Variants in NEK11 observed in about 807,000 individuals in gnomAD.
NEK11 encodes serine/threonine-protein kinase Nek11.
In NEK11, 72 loss-of-function variants were observed where a neutral mutation model predicts 80.7. That is an observed-to-expected ratio of 0.89 (90% CI 0.74 to 1.08). The LOEUF (loss-of-function observed/expected upper bound fraction) is 1.08. NEK11 is among the 50% of genes least tolerant of loss of function. The pLI, the probability that NEK11 is intolerant of heterozygous loss-of-function variation, is 0.00. For missense variants in NEK11, 764 were observed against 763.6 expected, an observed-to-expected ratio of 1.00 and a Z score of -0.01; for synonymous variants, 251 against 260.7, an observed-to-expected ratio of 0.96 and a Z score of 0.36.
At chr3:131,100,154 G>T (rs2078149328) in intron 4 of NEK11, among the ~76,000 whole-genome samples, 1 of 152,136 alleles carries the variant, frequency 6.6e-6, no homozygotes, top group South Asian at 2.1e-4. Flanking sequence ...TCTGTTGAGG[G>T]TTTTTATCAT....
chr3:131,156,374 G>A (rs554934451), intron 10 of NEK11, among the ~76,000 whole-genome samples: 2 of 152,342 alleles, frequency 1.3e-5, no homozygotes, highest in East Asian at 3.9e-4. Context: ...AGAGTTGGGT[G>A]TGAAAGGTCT....
intron 3 of NEK11, among the ~76,000 whole-genome samples, chr3:131,047,181 T>C (rs989515517): frequency 4.6e-5 from 7 of 152,158 alleles, no homozygotes; most frequent in Non-Finnish European, 7.3e-5. Flanking sequence ...TCTTTTCATA[T>C]CTTGTATCAT....
At chr3:131,199,539 G>GT (rs1471193688) in intron 14 of NEK11, among the ~76,000 whole-genome samples, 3 of 150,744 alleles carry the variant, frequency 2.0e-5, no homozygotes, top group South Asian at 2.1e-4. Context: ...TTATTCAACA[G>GT]TTTTTTAAAA....
intron 4 of NEK11, among the ~76,000 whole-genome samples, chr3:131,087,007 T>A (rs1193855990): frequency 6.6e-6 from 1 of 152,182 alleles, no homozygotes; most frequent in Non-Finnish European, 1.5e-5. Flanking sequence ...TATTTTGTTT[T>A]TATAGGGATT....
intron 17 of NEK11, among the ~76,000 whole-genome samples, chr3:131,291,558 C>T (rs1044295165): frequency 2.0e-5 from 3 of 152,164 alleles, no homozygotes; most frequent in Admixed American, 1.3e-4. Context: ...AACCATTTTG[C>T]ATTCCCTCCA....
At chr3:131,171,048 A>C (rs1048007976) in intron 14 of NEK11, 161 bp downstream of exon 14, 2 of 653,768 alleles carry the variant, frequency 3.1e-6, no homozygotes, top group African/African-American at 3.6e-5. Flanking sequence ...TGAAAAGTAG[A>C]GAAGCCAAGG....
At chr3:131,203,769 A>ATG (rs2094348754) in intron 14 of NEK11, among the ~76,000 whole-genome samples, 1 of 2,380 alleles carries the variant, frequency 4.2e-4, no homozygotes, top group Non-Finnish European at 1.2e-3. Context: ...GTGTGTGTGT[A>ATG]TATATATATA....
At chr3:131,224,015 T>G (rs2095113075) in intron 14 of NEK11, among the ~76,000 whole-genome samples, 1 of 152,354 alleles carries the variant, frequency 6.6e-6, no homozygotes, top group South Asian at 2.1e-4. Flanking sequence ...ACAGACTGCA[T>G]GTACAATGGT....
intron 17 of NEK11, among the ~76,000 whole-genome samples, chr3:131,307,672 G>A (rs971578316): frequency 2.1e-4 from 32 of 152,288 alleles, no homozygotes; most frequent in African/African-American, 7.7e-4. Flanking sequence ...GGGAAAACAT[G>A]ATACAATTCC....
At chr3:131,213,623 T>A (rs1423656268) in intron 14 of NEK11, among the ~76,000 whole-genome samples, 2 of 152,170 alleles carry the variant, frequency 1.3e-5, no homozygotes, top group Non-Finnish European at 2.9e-5. Flanking sequence ...GGCAAATATT[T>A]GGTGGCCAGG....
chr3:131,198,053 A>G (rs1398289934), intron 14 of NEK11, among the ~76,000 whole-genome samples: 2 of 152,170 alleles, frequency 1.3e-5, no homozygotes, highest in African/African-American at 4.8e-5. Context: ...CTGCATGGGC[A>G]TGGAGGACTA....
At chr3:131,115,954 CTT>C (rs374286113) in intron 5 of NEK11, among the ~76,000 whole-genome samples, 3 of 139,364 alleles carry the variant, frequency 2.2e-5, no homozygotes, top group Non-Finnish European at 3.1e-5. Context: ...TTCTTTCTTT[CTT>C]TCTTTCTTTC....
intron 5 of NEK11, among the ~76,000 whole-genome samples, chr3:131,119,473 A>G (rs2081980610): frequency 6.6e-6 from 1 of 152,152 alleles, no homozygotes; most frequent in Admixed American, 6.5e-5. Context: ...AGTTCTGTAG[A>G]TGTCTATTAG....
At chr3:131,041,551 C>T (rs1280328471) in intron 3 of NEK11, among the ~76,000 whole-genome samples, 1 of 151,700 alleles carries the variant, frequency 6.6e-6, no homozygotes, top group African/African-American at 2.4e-5. Context: ...TATATACTCA[C>T]GTATATATAT....
At chr3:131,075,862 C>G (rs746899039) in intron 3 of NEK11, among the ~76,000 whole-genome samples, 5 of 152,172 alleles carry the variant, frequency 3.3e-5, no homozygotes, top group African/African-American at 9.7e-5. Flanking sequence ...GGATTTGTTA[C>G]AGAACACAGA....
chr3:131,248,306 G>T (rs560045134), intron 16 of NEK11, among the ~76,000 whole-genome samples: 12 of 152,012 alleles, frequency 7.9e-5, no homozygotes, highest in Non-Finnish European at 1.3e-4. Context: ...ATGATAGAAT[G>T]CTGACTTTTT....
chr3:131,102,630 G>A (rs1180196343), intron 4 of NEK11, among the ~76,000 whole-genome samples: 1 of 152,134 alleles, frequency 6.6e-6, no homozygotes, highest in Non-Finnish European at 1.5e-5. Context: ...TGACCTTGGT[G>A]AATCTGATGA....
chr3:131,300,660 G>T (rs1167174868), intron 17 of NEK11, among the ~76,000 whole-genome samples: 1 of 152,092 alleles, frequency 6.6e-6, no homozygotes, highest in Non-Finnish European at 1.5e-5. Context: ...GCTTGTTTTT[G>T]TCAACTTTGT....
chr3:131,342,090 A>C (rs1481512374), intron 17 of NEK11, among the ~76,000 whole-genome samples: 1 of 152,194 alleles, frequency 6.6e-6, no homozygotes, highest in Non-Finnish European at 1.5e-5. Context: ...GAAAGAGGGA[A>C]GTGCCATTGA....
Sources: allele counts gnomAD v4.1 joint callset (sites outside exome capture counted in the v4.1 genomes callset), GRCh38; gene constraint gnomAD v4.1.1; transcripts MANE v1.5; gene names NCBI Gene and HGNC (gene_info 2026-07-23, HGNC 2026-07-21).